Variants in TBC1D16 observed in about 807,000 individuals in gnomAD.
TBC1D16 encodes CTD-2529O21.1.
TBC1D16 carries 58 observed loss-of-function variants against 74.7 expected under a neutral mutation model. The observed-to-expected ratio is 0.78, with a 90% CI of 0.63 to 0.97. The LOEUF (loss-of-function observed/expected upper bound fraction) is 0.97, where lower values mean the gene tolerates loss of function less well. TBC1D16 is among the 50% of genes least tolerant of loss of function. The probability of loss-of-function intolerance (pLI) is 0.00; values close to 1 mark genes in which losing one functional copy is unlikely to be tolerated. For missense variants in TBC1D16, 1,014 were observed against 1,079.5 expected, an observed-to-expected ratio of 0.94 and a Z score of 0.85; for synonymous variants, 493 against 474.7, an observed-to-expected ratio of 1.04 and a Z score of -0.50.
rs2035447609 is a variant in TBC1D16 at position 80,000,490 on chromosome 17, G to T, written c.779+9670C>A. Among the ~76,000 whole-genome samples the T allele has an allele frequency of 6.6e-6, 1 of 152,226 alleles. No homozygotes were observed. The highest frequency in any genetic ancestry group is 2.1e-4 in the South Asian group (1 of 4,830). On this transcript the variant is annotated intron_variant, in intron 3 of 11. Coordinates refer to ENST00000310924, the MANE Select transcript of TBC1D16 (RefSeq NM_019020.4). This position sits in a 1 kb window ranked among gnomAD's most constrained non-coding sequence, Gnocchi z 4.1. The stretch of plus-strand genomic sequence containing the variant: ...AGAGACCAGGAAGGACCCTCCCCTA[G>T]ACCTTCCAGAGGGAGCGTGGCTCTG...
In TBC1D16 at chr17:80,035,234, TTC is replaced by T. The variant is rs528932596; in HGVS notation, c.-63+559_-63+560del. Among the ~76,000 whole-genome samples, 45 of 55,584 alleles carry T rather than the reference TTC, an allele frequency of 8.1e-4. No individual in the cohort carries two copies. The highest frequency in any genetic ancestry group is 0.038 in the Middle Eastern group (2 of 52). The allele number at this position is 55,584 out of a possible 152,430, so 36.5% of individuals were successfully genotyped here. A position where few individuals can be genotyped will look rare whatever the true frequency, so the allele number is the denominator to read the frequency against. Reference sequence around the variant, plus strand: ...CCTTCCTTTCGTTCTTTCTTTCTTTTTCTTTTTTTTTTTTTCCCAAAGGAAAG... The same window carrying T: ...CCTTCCTTTCGTTCTTTCTTTCTTTTTTTTTTTTTTTTTCCCAAAGGAAAG... On this transcript the variant is annotated intron_variant, in intron 1 of 11. Transcript: ENST00000310924. The surrounding 1 kb of genome is among the most constrained non-coding windows in gnomAD (Gnocchi z 5.3).
rs1246849214 is a variant in TBC1D16, at chr17:79,988,705, G to A, written c.779+21455C>T. On this transcript the variant is annotated intron_variant, in intron 3 of 11. Coordinates refer to ENST00000310924, the MANE Select transcript of TBC1D16 (RefSeq NM_019020.4). This position sits in a 1 kb window ranked among gnomAD's most constrained non-coding sequence, Gnocchi z 5.7. ...TTCTGGAGGGTCCTATGCACCAGATGTTGGCTCTTTAATTGGCAGTCAACC... is the reference window on the plus strand; with the variant it reads ...TTCTGGAGGGTCCTATGCACCAGATATTGGCTCTTTAATTGGCAGTCAACC... Among the ~76,000 whole-genome samples, 1 of 152,260 alleles carries A rather than the reference G, an allele frequency of 6.6e-6. No individual in the cohort carries two copies. Among genetic ancestry groups the A allele is most frequent in the Admixed American group, 6.5e-5 (1 of 15,284 alleles).
intron 1 of TBC1D16, among the ~76,000 whole-genome samples, chr17:80,034,938 G>C (rs1308560371): frequency 6.6e-6 from 1 of 152,152 alleles, no homozygotes; most frequent in Non-Finnish European, 1.5e-5. Context: ...AGATCTTCAG[G>C]ATCAAGTCGC....
In TBC1D16 at chr17:80,009,842, G is replaced by C. The variant is rs948164146; in HGVS notation, c.779+318C>G. 5.3e-5 allele frequency among the ~76,000 whole-genome samples: 8 copies of C among 152,158 alleles called. No individual in the cohort carries two copies. The highest frequency in any genetic ancestry group is 1.0e-4 in the Non-Finnish European group (7 of 68,008). On this transcript the variant is annotated intron_variant, in intron 3 of 11. Coordinates refer to ENST00000310924, the MANE Select transcript of TBC1D16 (RefSeq NM_019020.4). This position sits in a 1 kb window ranked among gnomAD's most constrained non-coding sequence, Gnocchi z 5.4. ...GGGAACAGAAGGGACCAGGACTCCC[G>C]GGGGCTTAGCCTTGGTCATGGGCCC... is the stretch of plus-strand genomic sequence containing the variant.
At position 79,937,840 on chromosome 17, in the gene TBC1D16, G is replaced by T. The variant is rs187386278; in HGVS notation, c.*3019C>A. 1 of 152,230 alleles carries T rather than the reference G, an allele frequency of 6.6e-6. No homozygotes were observed. The highest frequency in any genetic ancestry group is 2.1e-4 in the South Asian group (1 of 4,832). The allele number at this position is 152,230 out of a possible 1,614,324, so 9.4% of individuals were successfully genotyped here. A position where few individuals can be genotyped will look rare whatever the true frequency, so the allele number is the denominator to read the frequency against. On this transcript the variant is annotated 3_prime_UTR_variant, in exon 12 of 12. Transcript: ENST00000310924. ...GGGTGCCAGCACGCCCACATCAAAG[G>T]TGTCCCCTCTTCCCAGAGGCCCTGA...
In TBC1D16 at chr17:79,993,730, C is replaced by G. The variant is rs576338434; in HGVS notation, c.779+16430G>C. 5 of 152,238 alleles carry G rather than the reference C, an allele frequency of 3.3e-5. No individual in the cohort carries two copies. Among genetic ancestry groups the G allele is most frequent in the African/African-American group, 1.2e-4 (5 of 41,458 alleles). The allele number at this position is 152,238 out of a possible 1,614,324, so 9.4% of individuals were successfully genotyped here. A position where few individuals can be genotyped will look rare whatever the true frequency, so the allele number is the denominator to read the frequency against. On this transcript the variant is annotated intron_variant, in intron 3 of 11. Transcript: ENST00000310924. This position sits in a 1 kb window ranked among gnomAD's most constrained non-coding sequence, Gnocchi z 5.1. ...TGCCACATCACTGCCTCTGGGAGCC[C>G]GTGACCTCATGCTCAGAGCTCTCAG...
At position 79,945,076 on chromosome 17, in the gene TBC1D16, G is replaced by A. The variant is rs775763961; in HGVS notation, c.1740C>T (p.Arg580=). 5.7e-6 allele frequency: 9 copies of A among 1,582,392 alleles called. No individual in the cohort carries two copies. The highest frequency in any genetic ancestry group is 2.7e-5 in the African/African-American group (2 of 74,654). ...GCACGTGCGTCAGCCGCAGCAGCTC[G>A]CGCAGGTACAGCTGGGGGTGAGGCC... The part of the protein sequence containing the change: ...EDMEKQLLYL[R]ELLRLTHVRF... The change falls in exon 10 of 12, where the codon CGC becomes CGT. Residue 580 remains arginine (R), a synonymous_variant. Coordinates refer to ENST00000310924, the MANE Select transcript of TBC1D16 (RefSeq NM_019020.4).
intron 10 of TBC1D16, chr17:79,943,916 C>T (rs2032270151): frequency 2.1e-6 from 3 of 1,416,002 alleles, no homozygotes; most frequent in Non-Finnish European, 1.8e-6. Context: ...GGGAATGAAG[C>T]CTCTCAGACC....
At chr17:80,003,821 A>G (rs1331604835) in intron 3 of TBC1D16, among the ~76,000 whole-genome samples, 1 of 152,186 alleles carries the variant, frequency 6.6e-6, no homozygotes, top group Non-Finnish European at 1.5e-5. Flanking sequence ...AGGTCCAGGC[A>G]GGAGGGTCAC....
At chr17:79,943,967 C>G in intron 10 of TBC1D16, 1 of 1,513,334 alleles carries the variant, frequency 6.6e-7, no homozygotes, top group South Asian at 1.2e-5. Context: ...GATCGTCCAC[C>G]CTGCACGTCC....
chr17:80,024,280 G>A (rs1420159684), intron 1 of TBC1D16, among the ~76,000 whole-genome samples: 2 of 26,136 alleles, frequency 7.7e-5, no homozygotes, highest in East Asian at 6.5e-4. Flanking sequence ...GTCAGAGGCC[G>A]AGAAGCACAC....
intron 3 of TBC1D16, among the ~76,000 whole-genome samples, chr17:79,970,385 C>T (rs942507235): frequency 2.6e-5 from 4 of 152,124 alleles, no homozygotes; most frequent in Non-Finnish European, 5.9e-5. Flanking sequence ...GTACTAACTG[C>T]CACTGCATTG....
intron 9 of TBC1D16, among the ~76,000 whole-genome samples, chr17:79,947,094 G>A (rs188417834): frequency 1.9e-4 from 29 of 152,314 alleles, no homozygotes; most frequent in African/African-American, 6.5e-4. Flanking sequence ...CCCCACCACC[G>A]ACATTCAGTG....
chr17:79,955,339 G>T (rs922047639), intron 3 of TBC1D16, among the ~76,000 whole-genome samples: 3 of 152,096 alleles, frequency 2.0e-5, no homozygotes, highest in African/African-American at 4.8e-5. Context: ...GTGGGGTGGG[G>T]GTTGCATCGT....
rs994876970 is a variant in TBC1D16 at position 80,025,469 on chromosome 17, G to A, written c.-63+10326C>T. Among the ~76,000 whole-genome samples the A allele has an allele frequency of 2.0e-5, 3 of 149,886 alleles. No individual in the cohort carries two copies. In the East Asian group the frequency reaches 5.8e-4, roughly 29 times the overall value. On this transcript the variant is annotated intron_variant, in intron 1 of 11. Coordinates refer to ENST00000310924, the MANE Select transcript of TBC1D16 (RefSeq NM_019020.4). ...GGCTCTGTGAGCTGGAGGAGGGGGCGCCTAGGCTCTGAGGGCTGAATAAGG... is the reference window on the plus strand; with the variant it reads ...GGCTCTGTGAGCTGGAGGAGGGGGCACCTAGGCTCTGAGGGCTGAATAAGG...
At position 79,941,164 on chromosome 17, in the gene TBC1D16, G is replaced by A; in HGVS notation, c.2056-57C>T. ...CCGGGGGACAGCCTGGCAGCCTAGGGTCCCCATGGGAGTGGCCAAAGACAG... is the reference window on the plus strand; with the variant it reads ...CCGGGGGACAGCCTGGCAGCCTAGGATCCCCATGGGAGTGGCCAAAGACAG... On this transcript the variant is annotated intron_variant, in intron 11 of 11. Transcript: ENST00000310924. The surrounding 1 kb of genome is among the most constrained non-coding windows in gnomAD (Gnocchi z 4.3). 1.3e-6 allele frequency: 2 copies of A among 1,490,460 alleles called. No individual in the cohort carries two copies. The highest frequency in any genetic ancestry group is 1.8e-6 in the Non-Finnish European group (2 of 1,107,360). 92.3% of individuals were successfully genotyped at this position (1,490,460 alleles called of 1,614,324 possible).
At chr17:79,984,632 G>GGAAGGAAA (rs2034751639) in intron 3 of TBC1D16, among the ~76,000 whole-genome samples, 1 of 145,682 alleles carries the variant, frequency 6.9e-6, no homozygotes, top group Non-Finnish European at 1.5e-5. Flanking sequence ...AAGGAAGGAA[G>GGAAGGAAA]GAAGGAAGGA....
At chr17:80,029,259 T>C (rs571281062) in intron 1 of TBC1D16, among the ~76,000 whole-genome samples, 1 of 151,876 alleles carries the variant, frequency 6.6e-6, no homozygotes, top group African/African-American at 2.4e-5. Context: ...GCCTGCAAGG[T>C]GAAGACGTGG....
intron 1 of TBC1D16, among the ~76,000 whole-genome samples, chr17:80,020,824 T>C (rs974031875): frequency 8.0e-5 from 12 of 150,090 alleles, no homozygotes; most frequent in Admixed American, 7.9e-4. Flanking sequence ...GTAAGAGTGC[T>C]GCCAGGGATT....
Sources: allele counts gnomAD v4.1 joint callset (sites outside exome capture counted in the v4.1 genomes callset), GRCh38; gene constraint gnomAD v4.1.1; non-coding constraint Gnocchi (gnomAD v3.1); transcripts MANE v1.5; gene names NCBI Gene and HGNC (gene_info 2026-07-23, HGNC 2026-07-21).